The following TACC2 variants were observed in gnomAD, a reference collection of about 807,000 sequenced individuals.
TACC2 encodes the protein transforming acidic coiled-coil-containing protein 2.
Under a neutral mutation model 227.3 loss-of-function variants are expected in TACC2, and 137 were observed. That is an observed-to-expected ratio of 0.60 (90% CI 0.52 to 0.69). The LOEUF is 0.69. Ranked by LOEUF, TACC2 falls within the 30% of genes least tolerant of loss-of-function variation. The pLI is 0.00. For synonymous variants in TACC2, 1,523 were observed against 1,487.5 expected, an observed-to-expected ratio of 1.02 and a Z score of -0.55; for missense variants, 3,470 against 3,694.4, an observed-to-expected ratio of 0.94 and a Z score of 1.57.
intron 3 of TACC2, chr10:122,078,827 G>T (rs896821540): frequency 2.0e-5 from 3 of 152,258 alleles, no homozygotes; most frequent in African/African-American, 7.2e-5. Flanking sequence ...CTGGTACCCA[G>T]CTTATGCTAA....
rs1032928320 is a variant in TACC2 at position 122,125,450 on chromosome 10, T to G, written c.5574-7159T>G. 9.2e-5 allele frequency among the ~76,000 whole-genome samples: 14 copies of G among 152,142 alleles called. No individual in the cohort carries two copies. The South Asian group carries it at 2.1e-3, about 23-fold the overall frequency. ...TCCTGGACCCAAGGGATCCTCCTGC[T>G]TCAGCCTCCCAAATGCCAGGATTAC... On this transcript the variant is annotated intron_variant, in intron 5 of 22. Coordinates refer to ENST00000369005, the MANE Select transcript of TACC2 (RefSeq NM_206862.4).
At position 122,210,132 on chromosome 10, in the gene TACC2, A is replaced by G; in HGVS notation, c.5972-265A>G. On this transcript the variant is annotated intron_variant, in intron 8 of 22. Transcript: ENST00000369005. The surrounding 1 kb of genome is among the most constrained non-coding windows in gnomAD (Gnocchi z 4.6). ...TTAGGCACTTGGTGAATGTTTTTGA[A>G]TGAATACTCTGAGCTGTTCTTTAAT... The G allele has an allele frequency of 3.9e-6, 2 of 518,958 alleles. No individual in the cohort carries two copies. The highest frequency in any genetic ancestry group is 7.0e-6 in the Non-Finnish European group (2 of 287,376). 32.1% of individuals were successfully genotyped at this position (518,958 alleles called of 1,614,324 possible).
At chr10:122,024,033 T>C (rs1957681559) in intron 2 of TACC2, among the ~76,000 whole-genome samples, 1 of 152,188 alleles carries the variant, frequency 6.6e-6, no homozygotes, top group African/African-American at 2.4e-5. Flanking sequence ...ATTAAACTTA[T>C]TATTTTGAGA....
At chr10:122,213,742 A>T (rs1286039749) in intron 9 of TACC2, among the ~76,000 whole-genome samples, 3 of 152,208 alleles carry the variant, frequency 2.0e-5, no homozygotes, top group Non-Finnish European at 4.4e-5. Context: ...ATTGCTTTCA[A>T]CACTACTGTG....
intron 19 of TACC2, chr10:122,246,403 GT>G (rs1355680356): frequency 6.6e-6 from 1 of 152,142 alleles, no homozygotes; most frequent in African/African-American, 2.4e-5. Context: ...GTATGGCAAG[GT>G]GCAGATATGT....
chr10:122,039,899 A>C (rs1299521955), intron 2 of TACC2, among the ~76,000 whole-genome samples: 5 of 152,118 alleles, frequency 3.3e-5, no homozygotes, highest in African/African-American at 9.7e-5. Flanking sequence ...CGACAGAGGA[A>C]AATTCCCACA....
chr10:122,200,240 G>C (rs909435043), intron 8 of TACC2, among the ~76,000 whole-genome samples: 1 of 152,228 alleles, frequency 6.6e-6, no homozygotes, highest in Non-Finnish European at 1.5e-5. Flanking sequence ...TGGCCATCGA[G>C]CCAGGGGTAT....
chr10:122,243,616 TA>T (rs139400937), intron 19 of TACC2, among the ~76,000 whole-genome samples: 377 of 144,860 alleles, frequency 2.6e-3, no homozygotes, highest in Middle Eastern at 0.025. Context: ...ATGGATAAGA[TA>T]AAAAAAAAAA....
intron 5 of TACC2, among the ~76,000 whole-genome samples, chr10:122,118,214 C>T (rs1312073037): frequency 6.6e-6 from 1 of 152,056 alleles, no homozygotes; most frequent in Non-Finnish European, 1.5e-5. Context: ...GGAGTTTCAC[C>T]ATGTTGGCTG....
chr10:122,109,169 A>G (rs1370977916), intron 5 of TACC2, among the ~76,000 whole-genome samples: 2 of 152,212 alleles, frequency 1.3e-5, no homozygotes, highest in East Asian at 1.9e-4. Context: ...CTCTGGGTAG[A>G]TAGCCAGGAG....
At chr10:122,145,267 A>C (rs1047373333) in intron 7 of TACC2, among the ~76,000 whole-genome samples, 1 of 152,198 alleles carries the variant, frequency 6.6e-6, no homozygotes, top group African/African-American at 2.4e-5. Flanking sequence ...AACAACCCAG[A>C]TATCTATCCA....
At chr10:122,152,450 C>G (rs1445440793) in intron 7 of TACC2, among the ~76,000 whole-genome samples, 1 of 152,230 alleles carries the variant, frequency 6.6e-6, no homozygotes, top group African/African-American at 2.4e-5. Context: ...CAGGGAGAAG[C>G]TTAACATTGT....
At chr10:122,127,615 G>A (rs151282048) in intron 5 of TACC2, among the ~76,000 whole-genome samples, 2,341 of 151,896 alleles carry the variant, frequency 0.015, 28 homozygotes, top group Non-Finnish European at 0.025. Flanking sequence ...TTTTTCCTCT[G>A]AAAAATATTT....
At chr10:122,020,287 A>AT (rs1957170897) in intron 1 of TACC2, among the ~76,000 whole-genome samples, 1 of 147,456 alleles carries the variant, frequency 6.8e-6, no homozygotes, top group African/African-American at 2.6e-5. Context: ...ATGCATGCAG[A>AT]TTTTTACGTT....
intron 11 of TACC2, among the ~76,000 whole-genome samples, chr10:122,219,190 A>G (rs2095474571): frequency 6.6e-6 from 1 of 150,722 alleles, no homozygotes; most frequent in African/African-American, 2.4e-5. Context: ...GCTGCTGTAG[A>G]CCCCGCCTGC....
chr10:122,017,694 G>A (rs539749892), intron 1 of TACC2, among the ~76,000 whole-genome samples: 12 of 151,950 alleles, frequency 7.9e-5, no homozygotes, highest in Non-Finnish European at 1.6e-4. Context: ...GTGGGTGCCT[G>A]TAGTCCCAGC....
rs768607283 is a variant in TACC2 at position 122,086,813 on chromosome 10, T to C, written c.4313T>C (p.Val1438Ala). Residue 1438 changes from valine to alanine, a missense_variant, in exon 4 of 23, where the codon GTG becomes GCG. By Grantham distance (64) the Val-to-Ala change is moderately conservative. Around this residue, in one of 10 missense-constraint regions of TACC2, gnomAD observed 1,924 missense variants for 1,978.3 expected, o/e 0.97. Coordinates refer to ENST00000369005, the MANE Select transcript of TACC2 (RefSeq NM_206862.4). ...AAGGCAGGAGCTGGGAGGAGTGCAGTGGGTAAAGACCTCACCAGGCCATTG... is the reference window on the plus strand; with the variant it reads ...AAGGCAGGAGCTGGGAGGAGTGCAGCGGGTAAAGACCTCACCAGGCCATTG... The part of the protein sequence containing the change: ...GEKAGAGRSA[V>A]GKDLTRPLGP... 9 of 1,613,718 alleles carry C rather than the reference T, an allele frequency of 5.6e-6. 1 individual carries two copies. The South Asian group carries it at 9.9e-5, about 18-fold the overall frequency.
intron 1 of TACC2, among the ~76,000 whole-genome samples, chr10:122,011,489 C>T (rs1185435796): frequency 6.6e-6 from 1 of 152,078 alleles, no homozygotes; most frequent in East Asian, 1.9e-4. Flanking sequence ...GCCACCACGC[C>T]CAGCTAATTT....
intron 6 of TACC2, among the ~76,000 whole-genome samples, chr10:122,135,264 T>A (rs1490635611): frequency 6.6e-6 from 1 of 152,174 alleles, no homozygotes; most frequent in Non-Finnish European, 1.5e-5. Flanking sequence ...GGGCCCCGCC[T>A]GTATCCATGG....
Sources: allele counts gnomAD v4.1 joint callset (sites outside exome capture counted in the v4.1 genomes callset), GRCh38; gene constraint gnomAD v4.1.1; regional missense constraint gnomAD v4.1.1; non-coding constraint Gnocchi (gnomAD v3.1); transcripts MANE v1.5; gene names NCBI Gene and HGNC (gene_info 2026-07-23, HGNC 2026-07-21).